The following PTPN13 variants were observed in gnomAD, a reference collection of about 807,000 sequenced individuals.
PTPN13 encodes the protein protein tyrosine phosphatase non-receptor type 13, also known as tyrosine-protein phosphatase non-receptor type 13.
Under a neutral mutation model 284.0 loss-of-function variants are expected in PTPN13, and 191 were observed. The ratio of observed to expected loss-of-function variants is 0.67; its 90% CI spans 0.60 to 0.76. The LOEUF (loss-of-function observed/expected upper bound fraction) is 0.76. Ranked by LOEUF, PTPN13 falls within the 30% of genes least tolerant of loss-of-function variation. PTPN13 has a pLI of 0.00. For missense variants in PTPN13, 2,797 were observed against 2,939.9 expected (o/e 0.95, Z 1.12); for synonymous variants, 986 against 1,022.3 (o/e 0.96, Z 0.68).
intron 2 of PTPN13, among the ~76,000 whole-genome samples, chr4:86,650,225 A>G (rs1167075565): frequency 2.6e-5 from 4 of 152,098 alleles, no homozygotes; most frequent in African/African-American, 9.7e-5. Context: ...GACCTTAGGT[A>G]ATCTGCCTGC....
chr4:86,650,299 T>A (rs1342910525), intron 2 of PTPN13, among the ~76,000 whole-genome samples: 2 of 151,980 alleles, frequency 1.3e-5, no homozygotes, highest in Non-Finnish European at 2.9e-5. Flanking sequence ...CATCACTGTT[T>A]TATAGGGTTG....
chr4:86,694,814 G>A (rs1730436688), intron 6 of PTPN13, among the ~76,000 whole-genome samples: 1 of 151,782 alleles, frequency 6.6e-6, no homozygotes, highest in Non-Finnish European at 1.5e-5. Flanking sequence ...CTAGATCTTG[G>A]GGCTAGGTAG....
At chr4:86,806,269 A>G (rs932393410) in intron 44 of PTPN13, among the ~76,000 whole-genome samples, 1 of 152,124 alleles carries the variant, frequency 6.6e-6, no homozygotes, top group African/African-American at 2.4e-5. Flanking sequence ...GTGTGTGCCA[A>G]AATACTGACC....
At chr4:86,615,116 A>C (rs899469137) in intron 1 of PTPN13, among the ~76,000 whole-genome samples, 3 of 152,144 alleles carry the variant, frequency 2.0e-5, no homozygotes, top group African/African-American at 7.2e-5. Flanking sequence ...CTCACGGTCT[A>C]TTGATTGGAA....
chr4:86,620,456 C>T (rs1237446602), intron 1 of PTPN13, among the ~76,000 whole-genome samples: 1 of 152,098 alleles, frequency 6.6e-6, no homozygotes, highest in Non-Finnish European at 1.5e-5. Flanking sequence ...ACTGCACCCG[C>T]AGAAATTTTA....
intron 42 of PTPN13, 113 bp downstream of exon 42, chr4:86,799,317 C>CT (rs11358237): frequency 0.083 from 30,511 of 367,322 alleles, 305 homozygotes; most frequent in African/African-American, 0.092. Context: ...ACATTATTTG[C>CT]TTTTTTTTTT....
intron 24 of PTPN13, among the ~76,000 whole-genome samples, chr4:86,763,904 GA>G (rs1180790930): frequency 6.6e-6 from 1 of 152,050 alleles, no homozygotes; most frequent in East Asian, 1.9e-4. Context: ...GAGGGAGAGA[GA>G]TAAGGAAGGG....
chr4:86,678,844 A>G (rs1168498876), intron 3 of PTPN13, among the ~76,000 whole-genome samples: 1 of 152,200 alleles, frequency 6.6e-6, no homozygotes, highest in Non-Finnish European at 1.5e-5. Context: ...CTTCCACCTC[A>G]GTTCAGTCCA....
At chr4:86,768,902 G>T (rs189916841) in intron 28 of PTPN13, among the ~76,000 whole-genome samples, 3 of 151,724 alleles carry the variant, frequency 2.0e-5, no homozygotes, top group Non-Finnish European at 4.4e-5. Context: ...TACAGACGGG[G>T]TTTCACCATG....
intron 7 of PTPN13, among the ~76,000 whole-genome samples, chr4:86,705,139 T>C (rs1217314469): frequency 2.0e-5 from 3 of 151,844 alleles, no homozygotes; most frequent in African/African-American, 4.8e-5. Flanking sequence ...ATCAAGACCA[T>C]CCTGGCTAAC....
At chr4:86,776,224 G>T (rs1245166749) in intron 35 of PTPN13, among the ~76,000 whole-genome samples, 1 of 152,248 alleles carries the variant, frequency 6.6e-6, no homozygotes, top group African/African-American at 2.4e-5. Flanking sequence ...GGGATTACAG[G>T]CGTGAGCCAC....
At chr4:86,772,710 C>T in intron 31 of PTPN13, 68 bp from the exon 32 acceptor site, 1 of 1,292,636 alleles carries the variant, frequency 7.7e-7, no homozygotes, top group South Asian at 1.7e-5. Context: ...TTTTCTGTTT[C>T]TGGCACAAAC....
At chr4:86,689,215 TATAGTC>T in intron 5 of PTPN13, 25 bp downstream of exon 5, 3 of 1,582,448 alleles carry the variant, frequency 1.9e-6, no homozygotes, top group Non-Finnish European at 1.7e-6. Context: ...CAATAGTAAA[TATAGTC>T]ATATTTTAAA....
At chr4:86,650,678 A>T (rs2148804255) in intron 2 of PTPN13, among the ~76,000 whole-genome samples, 1 of 152,222 alleles carries the variant, frequency 6.6e-6, no homozygotes, top group Non-Finnish European at 1.5e-5. Flanking sequence ...TTTTATTTGT[A>T]GCACTTGTAA....
chr4:86,801,156 G>A (rs946143334), intron 42 of PTPN13, among the ~76,000 whole-genome samples: 1 of 152,158 alleles, frequency 6.6e-6, no homozygotes, highest in East Asian at 1.9e-4. Flanking sequence ...TACTAAATTA[G>A]ACCCATAGCT....
At chr4:86,654,331 A>G (rs111543529) in intron 2 of PTPN13, among the ~76,000 whole-genome samples, 7,083 of 152,296 alleles carry the variant, frequency 0.047, 219 homozygotes, top group African/African-American at 0.061. Context: ...ATAAAAAATG[A>G]TAAAGGGGAT....
chr4:86,774,542 T>C lies in PTPN13; in HGVS notation c.5508+11T>C. 1 of 1,583,604 alleles carries C rather than the reference T, an allele frequency of 6.3e-7. No homozygotes were observed. Among genetic ancestry groups the C allele is most frequent in the Non-Finnish European group, 8.6e-7 (1 of 1,165,068 alleles). ...GACCGGCTCATAAAGGTGAGACATT[T>C]AAGAGGAATGGATTATTTGTGTAAA... On this transcript the variant is annotated intron_variant, in intron 33 of 47. Coordinates refer to ENST00000411767, the MANE Select transcript of PTPN13 (RefSeq NM_080683.3).
chr4:86,617,329 G>T (rs1435043461), intron 1 of PTPN13, among the ~76,000 whole-genome samples: 1 of 152,156 alleles, frequency 6.6e-6, no homozygotes, highest in African/African-American at 2.4e-5. Context: ...ACTTAGGAGG[G>T]TTCAACTTAA....
rs186672331 is a variant in PTPN13, at chr4:86,631,635, C to T, written c.-5-3617C>T. On this transcript the variant is annotated intron_variant, in intron 1 of 47. Transcript: ENST00000411767. ...GTTTTGGAGTTCTAAGAAGTTCTAA[C>T]CAGAAATGTTCATAAAGATCCCATA... is the stretch of plus-strand genomic sequence containing the variant. 2.2e-3 allele frequency among the ~76,000 whole-genome samples: 337 copies of T among 152,094 alleles called. 2 individuals carry two copies. The highest frequency in any genetic ancestry group is 7.9e-3 in the African/African-American group (328 of 41,508).
Sources: allele counts gnomAD v4.1 joint callset (sites outside exome capture counted in the v4.1 genomes callset), GRCh38; gene constraint gnomAD v4.1.1; transcripts MANE v1.5; gene names NCBI Gene and HGNC (gene_info 2026-07-23, HGNC 2026-07-21).